The following PCMTD1 variants were observed in gnomAD, a reference collection of about 807,000 sequenced individuals.
PCMTD1 encodes the protein protein-L-isoaspartate O-methyltransferase domain-containing protein 1.
Under a neutral mutation model 37.6 loss-of-function variants are expected in PCMTD1, and 12 were observed. The ratio of observed to expected loss-of-function variants is 0.32; its 90% CI spans 0.20 to 0.52. The LOEUF (loss-of-function observed/expected upper bound fraction) is 0.52. PCMTD1 is among the 20% of genes least tolerant of loss of function. The pLI is 0.97. For missense variants in PCMTD1, 235 were observed against 421.3 expected, an observed-to-expected ratio of 0.56 and a Z score of 3.87; for synonymous variants, 117 against 135.8, an observed-to-expected ratio of 0.86 and a Z score of 0.96.
chr8:51,897,916 C>G (rs925012531), intron 1 of PCMTD1, among the ~76,000 whole-genome samples: 4 of 151,980 alleles, frequency 2.6e-5, no homozygotes, highest in Admixed American at 6.6e-5. Flanking sequence ...AATCTTGTTT[C>G]TAAAGCACAC....
At chr8:51,873,265 T>C (rs915621629) in intron 1 of PCMTD1, among the ~76,000 whole-genome samples, 5 of 152,188 alleles carry the variant, frequency 3.3e-5, no homozygotes, top group African/African-American at 1.2e-4. Flanking sequence ...GTTCTGGATT[T>C]CCCATACAAT....
At chr8:51,860,170 A>T (rs1484840708) in intron 2 of PCMTD1, among the ~76,000 whole-genome samples, 1 of 152,262 alleles carries the variant, frequency 6.6e-6, no homozygotes, top group Non-Finnish European at 1.5e-5. Context: ...TTACTTGCCC[A>T]TATAAAAGGA....
intron 1 of PCMTD1, among the ~76,000 whole-genome samples, chr8:51,872,258 G>GT (rs1315166661): frequency 6.6e-6 from 1 of 151,868 alleles, no homozygotes; most frequent in East Asian, 1.9e-4. Context: ...ATTACCACAC[G>GT]TATCTCCCTA....
At chr8:51,872,402 A>C (rs1015931892) in intron 1 of PCMTD1, among the ~76,000 whole-genome samples, 1 of 152,232 alleles carries the variant, frequency 6.6e-6, no homozygotes, top group African/African-American at 2.4e-5. Flanking sequence ...TTTTTCAAGA[A>C]ACAGAAGTGC....
intron 1 of PCMTD1, among the ~76,000 whole-genome samples, chr8:51,889,185 A>C (rs528679567): frequency 6.6e-6 from 1 of 152,212 alleles, no homozygotes; most frequent in Admixed American, 6.5e-5. Context: ...TCTACTTAAA[A>C]CGGATATTGC....
At chr8:51,889,996 TAACAAA>T (rs2038915557) in intron 1 of PCMTD1, among the ~76,000 whole-genome samples, 1 of 45,016 alleles carries the variant, frequency 2.2e-5, no homozygotes, top group African/African-American at 1.0e-4. Flanking sequence ...AACAAGTCCT[TAACAAA>T]AAAAAAAAAA....
At chr8:51,870,890 T>C (rs2038629127) in intron 1 of PCMTD1, among the ~76,000 whole-genome samples, 1 of 152,102 alleles carries the variant, frequency 6.6e-6, no homozygotes, top group Non-Finnish European at 1.5e-5. Flanking sequence ...CGGGCCGGGG[T>C]GAGCATCTGA....
At chr8:51,841,365 A>C (rs2038145027) in intron 3 of PCMTD1, among the ~76,000 whole-genome samples, 1 of 152,212 alleles carries the variant, frequency 6.6e-6, no homozygotes, top group Non-Finnish European at 1.5e-5. Flanking sequence ...TATGGAATGA[A>C]AATCTCCAAT....
chr8:51,844,228 G>C (rs1292261968), intron 3 of PCMTD1, among the ~76,000 whole-genome samples: 1 of 152,076 alleles, frequency 6.6e-6, no homozygotes, highest in East Asian at 1.9e-4. Flanking sequence ...TGCCAAACGT[G>C]CTTTTCTTGG....
chr8:51,876,692 A>G (rs1490857524), intron 1 of PCMTD1, among the ~76,000 whole-genome samples: 1 of 152,228 alleles, frequency 6.6e-6, no homozygotes, highest in East Asian at 1.9e-4. Context: ...GCCAGCTTGA[A>G]GAGTCCTCTG....
At chr8:51,820,909 G>T (rs987673137) in intron 5 of PCMTD1, among the ~76,000 whole-genome samples, 191 bp from the exon 6 acceptor site, 3 of 152,182 alleles carry the variant, frequency 2.0e-5, no homozygotes, top group African/African-American at 7.2e-5. Flanking sequence ...GGATGGCACT[G>T]AAGTTAAAAT....
chr8:51,889,366 C>T (rs2038906972), intron 1 of PCMTD1, among the ~76,000 whole-genome samples: 3 of 152,234 alleles, frequency 2.0e-5, no homozygotes, highest in South Asian at 4.1e-4. Flanking sequence ...AGTATATTAA[C>T]TCATTTAAGT....
intron 4 of PCMTD1, among the ~76,000 whole-genome samples, 185 bp from the exon 5 acceptor site, chr8:51,831,752 T>C (rs566515866): frequency 2.0e-5 from 3 of 152,350 alleles, no homozygotes; most frequent in African/African-American, 7.2e-5. Context: ...ATGGAAATAT[T>C]TGCTGTTAAT....
chr8:51,825,055 A>G (rs1362002219), intron 5 of PCMTD1, among the ~76,000 whole-genome samples: 2 of 141,708 alleles, frequency 1.4e-5, no homozygotes, highest in Admixed American at 6.9e-5. Flanking sequence ...AAGATGGATT[A>G]AAGACTTAAA....
chr8:51,850,519 T>C (rs878915282), intron 2 of PCMTD1, among the ~76,000 whole-genome samples: 6 of 152,192 alleles, frequency 3.9e-5, no homozygotes, highest in Admixed American at 3.9e-4. Context: ...AACATGCAAC[T>C]GGGGCTGAGC....
At chr8:51,838,273 G>A (rs2038096157) in intron 3 of PCMTD1, among the ~76,000 whole-genome samples, 1 of 152,046 alleles carries the variant, frequency 6.6e-6, no homozygotes, top group Non-Finnish European at 1.5e-5. Flanking sequence ...GATCACTTGA[G>A]CCCAGGAGTT....
intron 1 of PCMTD1, among the ~76,000 whole-genome samples, chr8:51,881,994 TA>T (rs759047820): frequency 1.4e-4 from 22 of 152,216 alleles, no homozygotes; most frequent in African/African-American, 2.4e-5. Flanking sequence ...CAGATGCCAC[TA>T]ATGAGTCCCC....
At chr8:51,873,071 T>TA (rs2038661263) in intron 1 of PCMTD1, among the ~76,000 whole-genome samples, 2 of 152,230 alleles carry the variant, frequency 1.3e-5, no homozygotes, top group African/African-American at 4.8e-5. Context: ...ATGCTAATTT[T>TA]ATCTACGGAT....
At chr8:51,829,033 T>C (rs1469799398) in intron 5 of PCMTD1, among the ~76,000 whole-genome samples, 1 of 152,252 alleles carries the variant, frequency 6.6e-6, no homozygotes, top group Non-Finnish European at 1.5e-5. Flanking sequence ...AGCGAAAGTA[T>C]ACGTTACTAA....
Sources: gnomAD v4.1 joint callset for allele counts (sites outside exome capture counted in the v4.1 genomes callset) on GRCh38, gnomAD v4.1.1 for gene constraint, MANE v1.5 for transcripts, NCBI Gene and HGNC (gene_info 2026-07-23, HGNC 2026-07-21) for gene names.